The following UNC79 variants were observed in gnomAD, a reference collection of about 807,000 sequenced individuals.
The protein encoded by UNC79 is protein unc-79 homolog.
A neutral mutation model predicts 283.1 loss-of-function variants in UNC79; 37 were observed. The observed-to-expected ratio is 0.13, with a 90% CI of 0.10 to 0.17. The LOEUF (loss-of-function observed/expected upper bound fraction) is 0.17. Ranked by LOEUF, UNC79 falls within the 10% of genes least tolerant of loss-of-function variation. The pLI is 1.00. For synonymous variants in UNC79, 1,107 were observed against 1,200.2 expected, an observed-to-expected ratio of 0.92 and a Z score of 1.61; for missense variants, 2,272 against 3,211.1, an observed-to-expected ratio of 0.71 and a Z score of 7.07.
chr14:93,691,509 A>G, intron 45 of UNC79: 1 of 578,436 alleles, frequency 1.7e-6, no homozygotes, highest in South Asian at 2.2e-5. Flanking sequence ...TCTTCAGCAA[A>G]TTAAGGTGCC....
chr14:93,493,091 G>T (rs2058816744), intron 5 of UNC79, among the ~76,000 whole-genome samples: 1 of 152,158 alleles, frequency 6.6e-6, no homozygotes, highest in Non-Finnish European at 1.5e-5. Flanking sequence ...TGTTATAAAA[G>T]GAAATTTTGC....
rs115993863 is a variant in UNC79 at position 93,508,193 on chromosome 14, C to T, written c.898+10907C>T. On this transcript the variant is annotated intron_variant, in intron 7 of 48. Coordinates refer to ENST00000555664, the Ensembl canonical transcript of UNC79. ...AATTTTAGCATCAGCTTTCAATTTT[C>T]AATTTCTGTCGAAAAAAAAAAAAAC... Among the ~76,000 whole-genome samples, 696 of 147,938 alleles carry T rather than the reference C, an allele frequency of 4.7e-3. 2 individuals are homozygous for T. The highest frequency in any genetic ancestry group is 0.017 in the African/African-American group (661 of 39,924).
chr14:93,397,061 T>G (rs1216638198), intron 1 of UNC79: 1 of 152,196 alleles, frequency 6.6e-6, no homozygotes, highest in East Asian at 1.9e-4. Flanking sequence ...TTAAGCTTTT[T>G]GCTTAGTCCA....
intron 7 of UNC79, among the ~76,000 whole-genome samples, chr14:93,521,892 C>G (rs2060337695): frequency 6.6e-6 from 1 of 150,566 alleles, no homozygotes; most frequent in African/African-American, 2.4e-5. Context: ...GTGTTCTATC[C>G]TCAAACATTT....
chr14:93,549,682 G>A (rs1373094572), intron 14 of UNC79, among the ~76,000 whole-genome samples: 3 of 151,970 alleles, frequency 2.0e-5, no homozygotes, highest in East Asian at 1.9e-4. Context: ...GCCATGTGGT[G>A]GAAAAAAAAG....
intron 1 of UNC79, among the ~76,000 whole-genome samples, chr14:93,360,652 AG>A (rs2054201803): frequency 6.6e-6 from 1 of 152,152 alleles, no homozygotes; most frequent in Non-Finnish European, 1.5e-5. Flanking sequence ...TCTTATTCGG[AG>A]AGAACTTGAT....
At chr14:93,589,578 C>T (rs1017542823) in intron 22 of UNC79, among the ~76,000 whole-genome samples, 1 of 151,994 alleles carries the variant, frequency 6.6e-6, no homozygotes, top group African/African-American at 2.4e-5. Flanking sequence ...TGCAGAGGCC[C>T]GCCTGAGGAG....
intron 14 of UNC79, among the ~76,000 whole-genome samples, chr14:93,569,469 G>A (rs918373664): frequency 5.9e-5 from 9 of 152,140 alleles, no homozygotes; most frequent in Non-Finnish European, 1.2e-4. Flanking sequence ...ATAAGAGATT[G>A]CTGTCAGGTT....
At chr14:93,467,521 T>TA in intron 1 of UNC79, 150 bp from the exon 2 acceptor site, 1 of 983,096 alleles carries the variant, frequency 1.0e-6, no homozygotes, top group African/African-American at 1.7e-5. Context: ...AAAATTTACT[T>TA]ATGTTTCTTA....
intron 20 of UNC79, 51 bp downstream of exon 20, chr14:93,582,395 G>A: frequency 1.3e-6 from 2 of 1,595,752 alleles, no homozygotes; most frequent in Non-Finnish European, 8.5e-7. Flanking sequence ...ATGGCCTGAT[G>A]CTCAAATCAC....
chr14:93,691,687 C>T (rs1458876943), intron 45 of UNC79, 62 bp from the exon 49 acceptor site: 1 of 1,588,940 alleles, frequency 6.3e-7, no homozygotes, highest in Non-Finnish European at 8.6e-7. Flanking sequence ...TGCGGGAGGA[C>T]TCCGTGGAGG....
At chr14:93,395,932 A>G (rs2054986520) in intron 1 of UNC79, among the ~76,000 whole-genome samples, 2 of 151,970 alleles carry the variant, frequency 1.3e-5, no homozygotes, top group Non-Finnish European at 2.9e-5. Flanking sequence ...TTTTGTCTCC[A>G]TTTGGGGAAA....
intron 15 of UNC79, among the ~76,000 whole-genome samples, chr14:93,572,423 T>C (rs2063258034): frequency 1.3e-5 from 2 of 152,258 alleles, no homozygotes; most frequent in African/African-American, 2.4e-5. Flanking sequence ...GCAATGCTAA[T>C]GCCTTAGAAA....
At chr14:93,413,344 A>G (rs2055376370) in intron 1 of UNC79, among the ~76,000 whole-genome samples, 1 of 151,918 alleles carries the variant, frequency 6.6e-6, no homozygotes, top group Admixed American at 6.6e-5. Flanking sequence ...TGTCCCTACA[A>G]AGGACATGAA....
chr14:93,434,055 A>C (rs1454083490), intron 1 of UNC79, among the ~76,000 whole-genome samples: 1 of 151,988 alleles, frequency 6.6e-6, no homozygotes, highest in Non-Finnish European at 1.5e-5. Flanking sequence ...CTCTACTAAA[A>C]ATACAAAATT....
rs1019240549 is a variant in UNC79, at chr14:93,345,420, T to G, written c.-351+11897T>G. 4.6e-5 allele frequency among the ~76,000 whole-genome samples: 7 copies of G among 151,242 alleles called. No individual in the cohort carries two copies. The South Asian group carries it at 1.5e-3, about 31-fold the overall frequency. The stretch of plus-strand genomic sequence containing the variant: ...AACTGGCAAGTTCAAAATAAATAAA[T>G]AGAATGTACGCTAAAGAAACACAGT... On this transcript the variant is annotated intron_variant, in intron 1 of 49. Transcript: ENST00000256339.
At chr14:93,475,984 T>C (rs542595661) in intron 3 of UNC79, among the ~76,000 whole-genome samples, 1 of 152,172 alleles carries the variant, frequency 6.6e-6, no homozygotes, top group Non-Finnish European at 1.5e-5. Context: ...ATCTAATGAA[T>C]GGTTCAGAGA....
intron 10 of UNC79, among the ~76,000 whole-genome samples, chr14:93,530,024 G>T (rs746834809): frequency 5.3e-5 from 8 of 152,184 alleles, no homozygotes; most frequent in African/African-American, 1.7e-4. Flanking sequence ...GGAAAGAGCT[G>T]CAGGCATACT....
At chr14:93,482,470 C>G (rs192428581) in intron 4 of UNC79, among the ~76,000 whole-genome samples, 1 of 152,154 alleles carries the variant, frequency 6.6e-6, no homozygotes, top group Non-Finnish European at 1.5e-5. Flanking sequence ...GGATGGACAT[C>G]TTATGCTTAA....
Sources: gnomAD v4.1 joint callset for allele counts (sites outside exome capture counted in the v4.1 genomes callset) on GRCh38, gnomAD v4.1.1 for gene constraint, MANE v1.5 for transcripts, NCBI Gene and HGNC (gene_info 2026-07-23, HGNC 2026-07-21) for gene names.